UNC13A: variants seen among roughly 807,000 people sequenced by gnomAD.
UNC13A encodes unc-13 homolog A.
A neutral mutation model predicts 219.7 loss-of-function variants in UNC13A; 61 were observed. The ratio of observed to expected loss-of-function variants is 0.28; its 90% CI spans 0.23 to 0.34. UNC13A has a LOEUF of 0.34. UNC13A is among the 10% of genes least tolerant of loss of function. The pLI, the probability that UNC13A is intolerant of heterozygous loss-of-function variation, is 1.00. For synonymous variants in UNC13A, 920 were observed against 884.6 expected (o/e 1.04, Z -0.71); for missense variants, 1,476 against 2,270.3 (o/e 0.65, Z 7.11).
intron 9 of UNC13A, among the ~76,000 whole-genome samples, chr19:17,657,260 C>A (rs763349777): frequency 4.6e-5 from 7 of 152,204 alleles, no homozygotes; most frequent in Non-Finnish European, 7.3e-5. Flanking sequence ...TCCTCCATTC[C>A]GGCCACGCTG....
chr19:17,656,443 T>C, intron 9 of UNC13A, 45 bp from the exon 10 acceptor site: 1 of 1,458,314 alleles, frequency 6.9e-7, no homozygotes, highest in East Asian at 2.5e-5. Flanking sequence ...ACCGAGTCAC[T>C]GCCCACCTGA....
intron 8 of UNC13A, among the ~76,000 whole-genome samples, chr19:17,658,889 G>C (rs2079506440): frequency 6.6e-6 from 1 of 152,084 alleles, no homozygotes; most frequent in African/African-American, 2.4e-5. Flanking sequence ...ATGTGGTAGA[G>C]TTGCCAAACT....
intron 1 of UNC13A, among the ~76,000 whole-genome samples, chr19:17,680,499 A>C (rs1159117111): frequency 6.6e-6 from 1 of 152,126 alleles, no homozygotes; most frequent in African/African-American, 2.4e-5. Context: ...TGCGGCCTCA[A>C]AGGTCTTTGG....
chr19:17,653,122 TG>T (rs1568528462), intron 11 of UNC13A, among the ~76,000 whole-genome samples: 1 of 151,838 alleles, frequency 6.6e-6, no homozygotes, highest in Non-Finnish European at 1.5e-5. Context: ...AGGGTTAACA[TG>T]GGGGGAGGGG....
At chr19:17,682,823 G>A (rs2080043496) in intron 1 of UNC13A, among the ~76,000 whole-genome samples, 2 of 152,200 alleles carry the variant, frequency 1.3e-5, no homozygotes, top group Admixed American at 1.3e-4. Flanking sequence ...AGCACTTTGG[G>A]AGGCCAAAGC....
At chr19:17,630,596 C>A in intron 29 of UNC13A, 58 bp downstream of exon 29, 1 of 1,580,982 alleles carries the variant, frequency 6.3e-7, no homozygotes, top group Non-Finnish European at 8.7e-7. Flanking sequence ...GGCAAATTTC[C>A]ACCTAAATTG....
At chr19:17,658,351 C>G (rs1485531184) in intron 8 of UNC13A, 82 bp from the exon 9 acceptor site, 5 of 1,395,372 alleles carry the variant, frequency 3.6e-6, no homozygotes, top group East Asian at 5.0e-5. Flanking sequence ...CCCAGACTTA[C>G]GGTGCCGCTA....
rs534333725 is a variant in UNC13A, at chr19:17,639,080, C to T, written c.3081+3G>A. 6 of 1,583,986 alleles carry T rather than the reference C, an allele frequency of 3.8e-6. No individual in the cohort carries two copies. In the African/African-American group the frequency reaches 4.0e-5, roughly 11 times the overall value. On this transcript the variant is annotated splice_donor_region_variant and intron_variant, in intron 25 of 43. Transcript: ENST00000519716. ...TTCCCTTCTGACCCATCTGGAGTCT[C>T]ACCGGGTCTGTCTGGTACTCCCGGC... is the stretch of plus-strand genomic sequence containing the variant.
intron 41 of UNC13A, among the ~76,000 whole-genome samples, chr19:17,615,646 G>T (rs2144941951): frequency 6.6e-6 from 1 of 152,242 alleles, no homozygotes; most frequent in African/African-American, 2.4e-5. Flanking sequence ...TTTCCCCACT[G>T]CATTCCAGCC....
intron 26 of UNC13A, among the ~76,000 whole-genome samples, chr19:17,635,411 C>G (rs1031780365): frequency 2.6e-5 from 4 of 152,216 alleles, no homozygotes; most frequent in Admixed American, 6.5e-5. Flanking sequence ...AGAGTCCTCT[C>G]TAGCACTCAT....
intron 25 of UNC13A, among the ~76,000 whole-genome samples, chr19:17,638,182 G>C (rs1222708633): frequency 6.6e-6 from 1 of 151,858 alleles, no homozygotes; most frequent in Non-Finnish European, 1.5e-5. Flanking sequence ...CCTCATAATA[G>C]GCTATAAGCT....
At chr19:17,610,730 A>C (rs2076594505) in intron 42 of UNC13A, among the ~76,000 whole-genome samples, 1 of 152,028 alleles carries the variant, frequency 6.6e-6, no homozygotes, top group Admixed American at 6.5e-5. Flanking sequence ...CCTATAGTGG[A>C]GGAAAAACAC....
At chr19:17,624,783 C>T in intron 35 of UNC13A, 46 bp downstream of exon 35, 17 of 1,582,524 alleles carry the variant, frequency 1.1e-5, no homozygotes, top group Non-Finnish European at 1.5e-5. Context: ...GGGCTCTCGC[C>T]AGGGAGGTGG....
intron 19 of UNC13A, among the ~76,000 whole-genome samples, chr19:17,644,137 CA>C (rs2076998738): frequency 6.6e-6 from 1 of 152,148 alleles, no homozygotes; most frequent in Non-Finnish European, 1.5e-5. Context: ...GCAGCCATCT[CA>C]GATTAGGATT....
At chr19:17,681,754 G>A (rs928611170) in intron 1 of UNC13A, among the ~76,000 whole-genome samples, 2 of 152,172 alleles carry the variant, frequency 1.3e-5, no homozygotes, top group African/African-American at 4.8e-5. Context: ...GCGCGGGCAG[G>A]CGCTGTCCAC....
chr19:17,655,355 G>A lies in UNC13A; in HGVS notation c.1311C>T (p.Gly437=). The A allele has an allele frequency of 6.3e-7, 1 of 1,589,240 alleles. No homozygotes were observed. Among genetic ancestry groups the A allele is most frequent in the East Asian group, 2.3e-5 (1 of 43,752 alleles). ...TGGACATGGAGTCCTGCCCCTCCTG[G>A]CCTTCCTCATCCTCTCTCGGCCTGA... ...ESFRPREDEE[G]QEGQDSMSRA... The change falls in exon 11 of 44, where the codon GGC becomes GGT. Residue 437 remains glycine, a synonymous_variant. Coordinates refer to ENST00000519716, the MANE Select transcript of UNC13A (RefSeq NM_001080421.3).
At chr19:17,631,208 CTTCCTTCCTTCCTT>C (rs1568513395) in intron 28 of UNC13A, among the ~76,000 whole-genome samples, 111 of 47,664 alleles carry the variant, frequency 2.3e-3, no homozygotes, top group Non-Finnish European at 4.2e-3. Flanking sequence ...CCCTCCCTTC[CTTCCTTCCTTCCTT>C]CTTCCTTCCT....
At chr19:17,612,837 C>T (rs2076618833) in intron 41 of UNC13A, among the ~76,000 whole-genome samples, 1 of 151,404 alleles carries the variant, frequency 6.6e-6, no homozygotes, top group South Asian at 2.1e-4. Context: ...AGAGCAAGAC[C>T]CTGTCTCAGA....
In UNC13A at chr19:17,649,616, C is replaced by T. The variant is rs1342194047; in HGVS notation, c.1440-29G>A. Reference sequence around the variant, plus strand: ...AAAGACACAGAGGGACACTGAGGGCCCAGATGTCCCTATTCCTCACATAGA... The same window carrying T: ...AAAGACACAGAGGGACACTGAGGGCTCAGATGTCCCTATTCCTCACATAGA... On this transcript the variant is annotated intron_variant, in intron 12 of 43. Coordinates refer to ENST00000519716, the MANE Select transcript of UNC13A (RefSeq NM_001080421.3). The surrounding 1 kb of genome is among the most constrained non-coding windows in gnomAD (Gnocchi z 4.4). 7 of 1,612,560 alleles carry T rather than the reference C, an allele frequency of 4.3e-6. No homozygotes were observed. Among genetic ancestry groups the T allele is most frequent in the Non-Finnish European group, 5.9e-6 (7 of 1,178,930 alleles).
Sources: allele counts gnomAD v4.1 joint callset (sites outside exome capture counted in the v4.1 genomes callset), GRCh38; gene constraint gnomAD v4.1.1; non-coding constraint Gnocchi (gnomAD v3.1); transcripts MANE v1.5; gene names NCBI Gene and HGNC (gene_info 2026-07-23, HGNC 2026-07-21).